The following TNFSF12 variants were observed in gnomAD, a reference collection of about 807,000 sequenced individuals.
TNFSF12 encodes TNF superfamily member 12.
Under a neutral mutation model 31.2 loss-of-function variants are expected in TNFSF12, and 16 were observed. The observed-to-expected ratio is 0.51, with a 90% CI of 0.35 to 0.78. The LOEUF is 0.78. Ranked by LOEUF, TNFSF12 falls within the 30% of genes least tolerant of loss-of-function variation. The pLI is 0.01. For missense variants in TNFSF12, 324 were observed against 338.8 expected (o/e 0.96, Z 0.34); for synonymous variants, 150 against 151.4 (o/e 0.99, Z 0.07).
In TNFSF12 at chr17:7,550,985, C is replaced by A. The variant is rs765282407; in HGVS notation, c.373+7C>A. ...CAGGACGGAGCGCAGGCAGGTGAGA[C>A]CCCATCCCCCGACACAGCACTGGCC... On this transcript the variant is annotated splice_region_variant and intron_variant, in intron 5 of 6. Coordinates refer to ENST00000293825, the MANE Select transcript of TNFSF12 (RefSeq NM_003809.3). This position sits in a 1 kb window ranked among gnomAD's most constrained non-coding sequence, Gnocchi z 4.4. The A allele has an allele frequency of 2.5e-6, 4 of 1,613,380 alleles. No individual in the cohort carries two copies. In the African/African-American group the frequency reaches 4.0e-5, roughly 16 times the overall value.
In TNFSF12 at chr17:7,557,273, C is replaced by T. The variant is rs761260715; in HGVS notation, c.673C>T (p.Arg225Trp). The change falls in exon 7 of 7, where the codon CGG becomes TGG. Residue 225 changes from arginine (R) to tryptophan (W), a missense_variant. Arg to Trp is a moderately radical substitution (Grantham distance 101). Transcript: ENST00000293825. The surrounding 1 kb of genome is among the most constrained non-coding windows in gnomAD (Gnocchi z 5.2). ...LLALRPGSSLRIRTLPWAHLK... is the reference protein window; with the variant it reads ...LLALRPGSSLWIRTLPWAHLK... ...GGCCCTGCGGCCAGGGTCCTCCCTG[C>T]GGATCCGCACCCTCCCCTGGGCCCA... 9.9e-5 allele frequency: 159 copies of T among 1,613,650 alleles called. No homozygotes were observed. Among genetic ancestry groups the T allele is most frequent in the Admixed American group, 1.3e-4 (8 of 59,982 alleles).
In TNFSF12 at chr17:7,556,998, T is replaced by C. The variant is rs3803797; in HGVS notation, c.498+96T>C. 8.5e-6 allele frequency: 13 copies of C among 1,532,178 alleles called. No homozygotes were observed. In the East Asian group the frequency reaches 2.7e-4, roughly 32 times the overall value. 94.9% of individuals were successfully genotyped at this position (1,532,178 alleles called of 1,614,324 possible). A position where few individuals can be genotyped will look rare whatever the true frequency, so the allele number is the denominator to read the frequency against. On this transcript the variant is annotated intron_variant, in intron 6 of 6. Transcript: ENST00000293825. ...CAAGCTACAGGGCTGGGAGGGTGAG[T>C]TGGGGTTTGGGTGGGATGGGATGCC...
chr17:7,556,261 G>A (rs1187138823), intron 5 of TNFSF12, among the ~76,000 whole-genome samples: 13 of 152,122 alleles, frequency 8.5e-5, no homozygotes, highest in South Asian at 2.1e-4. Context: ...GATGACAGGC[G>A]TGAGCCACTG....
chr17:7,549,437 G>GA lies in TNFSF12; in HGVS notation c.160-37_160-36insA, dbSNP rs1416874276. The stretch of plus-strand genomic sequence containing the variant: ...ATGGGTGGAGGGTGAGATGTCAGGT[G>GA]GAGCGGCACAGGGTGACGCTCCCTC... On this transcript the variant is annotated intron_variant, in intron 1 of 6. Coordinates refer to ENST00000293825, the MANE Select transcript of TNFSF12 (RefSeq NM_003809.3). The surrounding 1 kb of genome is among the most constrained non-coding windows in gnomAD (Gnocchi z 4.1). 17 of 1,464,294 alleles carry GA rather than the reference G, an allele frequency of 1.2e-5. No homozygotes were observed. The Admixed American group carries it at 1.7e-4, about 14-fold the overall frequency. 90.7% of individuals were successfully genotyped at this position (1,464,294 alleles called of 1,614,324 possible).
Position 7,555,299 on chromosome 17 carries a change from G to A in TNFSF12, c.374-1479G>A, listed in dbSNP as rs570224540. On this transcript the variant is annotated intron_variant, in intron 5 of 6. Coordinates refer to ENST00000293825, the MANE Select transcript of TNFSF12 (RefSeq NM_003809.3). Reference sequence around the variant, plus strand: ...TGCCGCTGGGCCTTGAAGCAGGAGCGTAAGACAAGACAGGCAAGGGGTCAA... The same window carrying A: ...TGCCGCTGGGCCTTGAAGCAGGAGCATAAGACAAGACAGGCAAGGGGTCAA... Among the ~76,000 whole-genome samples the A allele has an allele frequency of 7.9e-5, 12 of 152,224 alleles. No individual in the cohort carries two copies. The South Asian group carries it at 1.2e-3, about 16-fold the overall frequency.
intron 5 of TNFSF12, among the ~76,000 whole-genome samples, chr17:7,554,762 C>T (rs1434387582): frequency 7.8e-6 from 1 of 128,374 alleles, no homozygotes; most frequent in South Asian, 3.0e-4. Flanking sequence ...CTACAGGCGC[C>T]TGCCACCACG....
At chr17:7,555,973 G>GTTTTTTGTTTTTTTTTTTTTTTTTTTTTT (rs1555564686) in intron 5 of TNFSF12, among the ~76,000 whole-genome samples, 1 of 70,908 alleles carries the variant, frequency 1.4e-5, no homozygotes, top group Non-Finnish European at 2.6e-5. Context: ...CCCAGTGAGC[G>GTTTTTTGTTTTTTTTTTTTTTTTTTTTTT]TTTTTTTTGT....
rs1024737559 is a variant in TNFSF12, at chr17:7,550,258, G to A, written c.283+63G>A. 5.0e-6 allele frequency: 8 copies of A among 1,611,660 alleles called. No individual in the cohort carries two copies. Among genetic ancestry groups the A allele is most frequent in the Non-Finnish European group, 6.8e-6 (8 of 1,178,644 alleles). On this transcript the variant is annotated intron_variant, in intron 3 of 6. Coordinates refer to ENST00000293825, the MANE Select transcript of TNFSF12 (RefSeq NM_003809.3). The surrounding 1 kb of genome is among the most constrained non-coding windows in gnomAD (Gnocchi z 4.4). ...GAGCAAAAACCATTATCCACAGGGA[G>A]AAACTGAGGCACGGAGGGTGAAAGG... is the stretch of plus-strand genomic sequence containing the variant.
rs554427032 is a variant in TNFSF12, at chr17:7,556,647, C to T, written c.374-131C>T. The T allele has an allele frequency of 8.3e-6, 11 of 1,327,770 alleles. No individual in the cohort carries two copies. The African/African-American group carries it at 1.5e-4, about 18-fold the overall frequency. 82.2% of individuals were successfully genotyped at this position (1,327,770 alleles called of 1,614,324 possible). On this transcript the variant is annotated intron_variant, in intron 5 of 6. Coordinates refer to ENST00000293825, the MANE Select transcript of TNFSF12 (RefSeq NM_003809.3). Reference sequence around the variant, plus strand: ...GGGCATCATAGGGGATGGGTCCTCCCTTGCCCGGGGTGATCTATGTGTCTT... The same window carrying T: ...GGGCATCATAGGGGATGGGTCCTCCTTTGCCCGGGGTGATCTATGTGTCTT...
At chr17:7,553,154 A>G (rs1423429142) in intron 5 of TNFSF12, among the ~76,000 whole-genome samples, 3 of 147,256 alleles carry the variant, frequency 2.0e-5, no homozygotes, top group African/African-American at 5.1e-5. Context: ...GGTTCAAGCA[A>G]TTCTCCTGCC....
Position 7,550,893 on chromosome 17 carries a change from G to C in TNFSF12, c.337+41G>C. ...GCCATACCCAGGAGGAGAGGGGCAG[G>C]TGGCAGAGGGTCAGGGCAGGTCTCA... On this transcript the variant is annotated intron_variant, in intron 4 of 6. Transcript: ENST00000293825. This position sits in a 1 kb window ranked among gnomAD's most constrained non-coding sequence, Gnocchi z 4.4. 2 of 1,613,952 alleles carry C rather than the reference G, an allele frequency of 1.2e-6. No individual in the cohort carries two copies. The highest frequency in any genetic ancestry group is 2.2e-5 in the South Asian group (2 of 91,054).
intron 5 of TNFSF12, among the ~76,000 whole-genome samples, chr17:7,552,328 T>C (rs1276556226): frequency 3.4e-5 from 3 of 87,194 alleles, no homozygotes; most frequent in African/African-American, 1.1e-4. Context: ...TATGGATGGC[T>C]TTTTTTTTTT....
chr17:7,555,462 A>G (rs1398041503), intron 5 of TNFSF12, among the ~76,000 whole-genome samples: 1 of 152,206 alleles, frequency 6.6e-6, no homozygotes, highest in Non-Finnish European at 1.5e-5. Flanking sequence ...ATGAGGCTGG[A>G]GACAGAAGCC....
At chr17:7,554,130 CCT>C (rs1380499008) in intron 5 of TNFSF12, among the ~76,000 whole-genome samples, 1 of 152,056 alleles carries the variant, frequency 6.6e-6, no homozygotes, top group Non-Finnish European at 1.5e-5. Flanking sequence ...CTAGGAATGC[CCT>C]CTCTTCTCTG....
chr17:7,549,550 C>G lies in TNFSF12; in HGVS notation c.207+29C>G. ...AGTGGGCGTGGGCGCGGTCTGCAGG[C>G]TGCTGGGGCATGGGAAGTGTGCACA... is the stretch of plus-strand genomic sequence containing the variant. On this transcript the variant is annotated intron_variant, in intron 2 of 6. Transcript: ENST00000293825. The surrounding 1 kb of genome is among the most constrained non-coding windows in gnomAD (Gnocchi z 4.1). 1 of 1,527,322 alleles carries G rather than the reference C, an allele frequency of 6.5e-7. No homozygotes were observed. The highest frequency in any genetic ancestry group is 8.8e-7 in the Non-Finnish European group (1 of 1,133,646). 94.6% of individuals were successfully genotyped at this position (1,527,322 alleles called of 1,614,324 possible). A position where few individuals can be genotyped will look rare whatever the true frequency, so the allele number is the denominator to read the frequency against.
At chr17:7,553,697 G>T in intron 5 of TNFSF12, 1 of 1,301,626 alleles carries the variant, frequency 7.7e-7, no homozygotes. Flanking sequence ...TGAAAGGCGA[G>T]GTGGCTGGTG....
rs143818801 is a variant in TNFSF12 at position 7,552,112 on chromosome 17, C to T, written c.373+1134C>T. The stretch of plus-strand genomic sequence containing the variant: ...GCTTCTAGATTTTTAACTTGGGTAT[C>T]TCTGGGAAGAATGATGCCATTTCCT... On this transcript the variant is annotated intron_variant, in intron 5 of 6. Coordinates refer to ENST00000293825, the MANE Select transcript of TNFSF12 (RefSeq NM_003809.3). Among the ~76,000 whole-genome samples, 633 of 152,218 alleles carry T rather than the reference C, an allele frequency of 4.2e-3. 9 individuals carry two copies. The highest frequency in any genetic ancestry group is 0.014 in the Admixed American group (208 of 15,282).
chr17:7,554,445 C>T (rs1485843725), intron 5 of TNFSF12, among the ~76,000 whole-genome samples: 1 of 150,746 alleles, frequency 6.6e-6, no homozygotes, highest in African/African-American at 2.4e-5. Context: ...TCCCAAGTAG[C>T]TGGGACTACA....
chr17:7,554,831 A>T (rs1337533711), intron 5 of TNFSF12, among the ~76,000 whole-genome samples: 1 of 149,814 alleles, frequency 6.7e-6, no homozygotes, highest in African/African-American at 2.5e-5. Flanking sequence ...GTTAGCCAGG[A>T]GCGTCTCGAT....
Sources: allele counts gnomAD v4.1 joint callset (sites outside exome capture counted in the v4.1 genomes callset), GRCh38; gene constraint gnomAD v4.1.1; non-coding constraint Gnocchi (gnomAD v3.1); transcripts MANE v1.5; gene names NCBI Gene and HGNC (gene_info 2026-07-23, HGNC 2026-07-21).